The following EYA3 variants were observed in gnomAD, a reference collection of about 807,000 sequenced individuals.
EYA3 encodes EYA transcriptional coactivator and phosphatase 3.
Under a neutral mutation model 80.0 loss-of-function variants are expected in EYA3, and 39 were observed. The observed-to-expected ratio is 0.49, with a 90% confidence interval of 0.38 to 0.64. EYA3 has a LOEUF of 0.64. EYA3 is among the 30% of genes least tolerant of loss of function. The pLI is 0.00. For synonymous variants in EYA3, 206 were observed against 232.8 expected, an observed-to-expected ratio of 0.88 and a Z score of 1.05; for missense variants, 523 against 676.1, an observed-to-expected ratio of 0.77 and a Z score of 2.51.
At chr1:28,036,338 T>G (rs1426904951) in intron 5 of EYA3, among the ~76,000 whole-genome samples, 1 of 152,040 alleles carries the variant, frequency 6.6e-6, no homozygotes, top group Non-Finnish European at 1.5e-5. Context: ...TAGAATAAAA[T>G]CCTAATATAA....
At chr1:27,989,347 T>G (rs1394883873) in intron 15 of EYA3, among the ~76,000 whole-genome samples, 1 of 152,262 alleles carries the variant, frequency 6.6e-6, no homozygotes, top group Non-Finnish European at 1.5e-5. Flanking sequence ...GATACATTTC[T>G]TGGAGCTTCC....
chr1:28,058,097 G>T lies in EYA3; in HGVS notation c.-68-3C>A. 2.3e-6 allele frequency: 3 copies of T among 1,311,308 alleles called. No homozygotes were observed. The highest frequency in any genetic ancestry group is 2.1e-6 in the Non-Finnish European group (2 of 948,758). 81.2% of individuals were successfully genotyped at this position (1,311,308 alleles called of 1,614,324 possible). ...TCTCTCTCAGCAGTTTTCACAATCT[G>T]TTTTTAAAAAGGAGGATTCAAAGCT... On this transcript the variant is annotated splice_polypyrimidine_tract_variant and splice_region_variant and intron_variant, in intron 1 of 17. Coordinates refer to ENST00000373871, the MANE Select transcript of EYA3 (RefSeq NM_001990.4).
chr1:28,003,388 G>C (rs1641034969), intron 11 of EYA3, among the ~76,000 whole-genome samples: 1 of 152,154 alleles, frequency 6.6e-6, no homozygotes, highest in Admixed American at 6.6e-5. Flanking sequence ...AGAATCATTT[G>C]AACCCGAGAG....
chr1:27,985,051 A>G (rs1639557892), intron 16 of EYA3, among the ~76,000 whole-genome samples: 1 of 151,710 alleles, frequency 6.6e-6, no homozygotes, highest in Non-Finnish European at 1.5e-5. Context: ...AATGATCTTC[A>G]TGTATCTAAA....
At chr1:27,985,773 G>C (rs1038409750) in intron 16 of EYA3, among the ~76,000 whole-genome samples, 1 of 151,900 alleles carries the variant, frequency 6.6e-6, no homozygotes, top group Non-Finnish European at 1.5e-5. Flanking sequence ...GTAGAGAGGG[G>C]GTTTCATCAT....
intron 4 of EYA3, among the ~76,000 whole-genome samples, chr1:28,041,841 T>C (rs1643799515): frequency 6.6e-6 from 1 of 152,032 alleles, no homozygotes; most frequent in South Asian, 2.1e-4. Flanking sequence ...AAAAGGAAAT[T>C]ATTTGGAAGG....
chr1:28,008,799 C>T (rs1253241743), intron 10 of EYA3, among the ~76,000 whole-genome samples: 1 of 152,078 alleles, frequency 6.6e-6, no homozygotes, highest in Non-Finnish European at 1.5e-5. Context: ...CAAAAATTAA[C>T]CAGGCGTGGT....
intron 1 of EYA3, among the ~76,000 whole-genome samples, chr1:28,076,231 C>G (rs1334918426): frequency 6.6e-6 from 1 of 152,190 alleles, no homozygotes. Context: ...TTGGTGAATT[C>G]TTCTGGCTAC....
intron 8 of EYA3, among the ~76,000 whole-genome samples, chr1:28,016,901 T>C (rs566979194): frequency 1.3e-5 from 2 of 151,980 alleles, no homozygotes; most frequent in Non-Finnish European, 2.9e-5. Flanking sequence ...AGGGGCAGAG[T>C]AGGAAGTGAA....
rs1385196169 is a variant in EYA3, at chr1:27,970,398, T to C, written c.*4068A>G. On this transcript the variant is annotated 3_prime_UTR_variant, in exon 18 of 18. Coordinates refer to ENST00000373871, the MANE Select transcript of EYA3 (RefSeq NM_001990.4). ...AGTTTATAAGATAGTTCCCATTACA[T>C]ATAACATTACGGTCACGGATTCTAC... 6.6e-6 allele frequency: 1 copy of C among 152,214 alleles called. No individual in the cohort carries two copies. The highest frequency in any genetic ancestry group is 1.5e-5 in the Non-Finnish European group (1 of 68,046). The allele number at this position is 152,214 out of a possible 1,614,324, so 9.4% of individuals were successfully genotyped here. A position where few individuals can be genotyped will look rare whatever the true frequency, so the allele number is the denominator to read the frequency against.
chr1:28,001,682 T>A (rs1289798236), intron 11 of EYA3, among the ~76,000 whole-genome samples: 1 of 132,498 alleles, frequency 7.5e-6, no homozygotes, highest in Non-Finnish European at 1.6e-5. Flanking sequence ...GAGCTTGCAG[T>A]GAGCAGAGAT....
chr1:28,003,100 C>CAAAAA (rs1181469791), intron 11 of EYA3, among the ~76,000 whole-genome samples: 1 of 61,332 alleles, frequency 1.6e-5, no homozygotes. Context: ...ACTAAAAATA[C>CAAAAA]AAAAAAAAAA....
intron 12 of EYA3, 30 bp downstream of exon 12, chr1:27,999,930 T>C (rs370900452): frequency 4.1e-6 from 6 of 1,451,958 alleles, no homozygotes; most frequent in Non-Finnish European, 5.7e-6. Flanking sequence ...AGTGTCTCAG[T>C]GAAGCACAGA....
chr1:27,980,628 G>C (rs1639230268), intron 16 of EYA3, among the ~76,000 whole-genome samples: 2 of 152,230 alleles, frequency 1.3e-5, no homozygotes, highest in South Asian at 4.1e-4. Context: ...GAGCTTTCCT[G>C]TTCAGGAGGA....
chr1:27,977,972 C>T (rs747361361), intron 17 of EYA3, among the ~76,000 whole-genome samples: 66 of 152,100 alleles, frequency 4.3e-4, no homozygotes, highest in Middle Eastern at 3.4e-3. Context: ...ACTTTCTCTA[C>T]AGAAACAGCT....
intron 3 of EYA3, among the ~76,000 whole-genome samples, chr1:28,043,791 T>C (rs1643902725): frequency 6.6e-6 from 1 of 152,220 alleles, no homozygotes; most frequent in Admixed American, 6.5e-5. Flanking sequence ...TGATTGGAGA[T>C]GGCACTACTG....
At chr1:28,085,271 T>C (rs1185758816) in intron 1 of EYA3, among the ~76,000 whole-genome samples, 4 of 151,972 alleles carry the variant, frequency 2.6e-5, no homozygotes, top group Non-Finnish European at 4.4e-5. Flanking sequence ...GGCAACATGG[T>C]GAAACTCTGC....
intron 2 of EYA3, among the ~76,000 whole-genome samples, chr1:28,049,476 G>A (rs1769703): frequency 0.67 from 102,214 of 152,058 alleles, 35,759 homozygotes; most frequent in African/African-American, 0.88. Flanking sequence ...AACAAAAAAC[G>A]AAACCTTGAG....
intron 14 of EYA3, chr1:27,990,524 T>TCTTGGTGTCAAGATAAGACCAGTTGTCC (rs1639976368): frequency 6.6e-6 from 1 of 151,950 alleles, no homozygotes; most frequent in African/African-American, 2.4e-5. Flanking sequence ...GAAGTGTGGT[T>TCTTGGTGTCAAGATAAGACCAGTTGTCC]CTTGGTGTCA....
Sources: allele counts gnomAD v4.1 joint callset (sites outside exome capture counted in the v4.1 genomes callset), GRCh38; gene constraint gnomAD v4.1.1; transcripts MANE v1.5; gene names NCBI Gene and HGNC (gene_info 2026-07-23, HGNC 2026-07-21).